Variants in MYCBP2 observed in about 807,000 individuals in gnomAD.
MYCBP2 encodes the protein E3 ubiquitin-protein ligase MYCBP2.
A neutral mutation model predicts 525.3 loss-of-function variants in MYCBP2; 120 were observed. That is an observed-to-expected ratio of 0.23 (90% CI 0.20 to 0.27). The LOEUF (loss-of-function observed/expected upper bound fraction) is 0.27. Among genes scored for constraint, MYCBP2 ranks in the 10% least tolerant of loss-of-function variants. MYCBP2 has a pLI of 1.00. For synonymous variants in MYCBP2, 1,894 were observed against 1,955.8 expected, an observed-to-expected ratio of 0.97 and a Z score of 0.83; for missense variants, 4,149 against 5,657.1, an observed-to-expected ratio of 0.73 and a Z score of 8.55.
intron 31 of MYCBP2, 92 bp from the exon 32 acceptor site, chr13:77,185,469 A>G: frequency 8.0e-7 from 1 of 1,250,478 alleles, no homozygotes; most frequent in Non-Finnish European, 1.1e-6. Flanking sequence ...CTATACAGCT[A>G]AGTATCACAA....
intron 79 of MYCBP2, 97 bp from the exon 80 acceptor site, chr13:77,055,864 A>T (rs1349734953): frequency 9.1e-6 from 7 of 767,762 alleles, no homozygotes; most frequent in Admixed American, 2.5e-5. Flanking sequence ...GTGCTAGAAG[A>T]TAACCAGACA....
At chr13:77,286,789 A>AATATAT (rs1197559343) in intron 3 of MYCBP2, among the ~76,000 whole-genome samples, 4,872 of 42,040 alleles carry the variant, frequency 0.12, 372 homozygotes, top group Non-Finnish European at 0.13. Context: ...AAAAAAAAAA[A>AATATAT]ATATATATAT....
At chr13:77,225,221 C>T (rs540502028) in intron 19 of MYCBP2, among the ~76,000 whole-genome samples, 41 of 152,286 alleles carry the variant, frequency 2.7e-4, no homozygotes, top group African/African-American at 9.6e-4. Flanking sequence ...GGAAGACAGA[C>T]TAGAAGTTAG....
At chr13:77,251,009 T>C (rs758298956) in intron 15 of MYCBP2, 142 bp downstream of exon 15, 9 of 560,192 alleles carry the variant, frequency 1.6e-5, no homozygotes, top group Admixed American at 6.7e-5. Flanking sequence ...ATTATAATAC[T>C]TTCTTGGCCT....
intron 59 of MYCBP2, chr13:77,092,396 T>C (rs1444952921): frequency 2.0e-5 from 3 of 152,136 alleles, no homozygotes; most frequent in South Asian, 4.1e-4. Flanking sequence ...ACTGTGAGAC[T>C]ACCTTTGCAT....
chr13:77,117,717 G>C (rs2050023748), intron 55 of MYCBP2, among the ~76,000 whole-genome samples: 1 of 152,126 alleles, frequency 6.6e-6, no homozygotes, highest in Non-Finnish European at 1.5e-5. Context: ...ACAGAGCTTT[G>C]AAAAGTTTAG....
intron 44 of MYCBP2, among the ~76,000 whole-genome samples, chr13:77,159,290 A>C (rs2057584797): frequency 6.6e-6 from 1 of 152,240 alleles, no homozygotes; most frequent in Non-Finnish European, 1.5e-5. Context: ...TAAAGTATAT[A>C]ATACATTGCC....
intron 59 of MYCBP2, among the ~76,000 whole-genome samples, chr13:77,091,269 T>C (rs764346208): frequency 9.2e-5 from 14 of 152,170 alleles, no homozygotes; most frequent in African/African-American, 1.7e-4. Flanking sequence ...GGTGTTAGTA[T>C]AGGTTGCTTG....
chr13:77,303,062 C>T (rs955835612), intron 1 of MYCBP2, among the ~76,000 whole-genome samples: 11 of 152,178 alleles, frequency 7.2e-5, no homozygotes, highest in South Asian at 2.1e-4. Flanking sequence ...CGGCCAGGCG[C>T]GGTGGCTCAT....
At chr13:77,179,201 T>A (rs1021980896) in intron 34 of MYCBP2, among the ~76,000 whole-genome samples, 5 of 152,094 alleles carry the variant, frequency 3.3e-5, no homozygotes, top group South Asian at 2.1e-4. Context: ...ATAAATTTTT[T>A]AAAAAAAGCA....
At chr13:77,059,737 A>G in intron 76 of MYCBP2, 111 bp from the exon 77 acceptor site, 1 of 672,420 alleles carries the variant, frequency 1.5e-6, no homozygotes, top group Non-Finnish European at 2.6e-6. Flanking sequence ...TATCCTTGGG[A>G]AATCAGCCTG....
At chr13:77,132,435 A>C (rs894513321) in intron 52 of MYCBP2, among the ~76,000 whole-genome samples, 2 of 152,142 alleles carry the variant, frequency 1.3e-5, no homozygotes, top group African/African-American at 4.8e-5. Flanking sequence ...CTTTCTCTTC[A>C]ACTCTACTTC....
intron 39 of MYCBP2, 103 bp downstream of exon 39, chr13:77,169,511 G>C: frequency 1.2e-6 from 1 of 849,694 alleles, no homozygotes; most frequent in Non-Finnish European, 1.9e-6. Context: ...CTATATCCCA[G>C]ATGCCTCAAA....
intron 34 of MYCBP2, among the ~76,000 whole-genome samples, chr13:77,178,175 T>C (rs1256569415): frequency 6.6e-6 from 1 of 152,250 alleles, no homozygotes; most frequent in African/African-American, 2.4e-5. Context: ...CCTTTAGCCA[T>C]ATGAAACTAT....
intron 45 of MYCBP2, among the ~76,000 whole-genome samples, chr13:77,156,897 C>G (rs1240354891): frequency 1.3e-5 from 2 of 152,134 alleles, no homozygotes; most frequent in Admixed American, 1.3e-4. Context: ...ACATTCCTCT[C>G]CAATCACTAT....
At chr13:77,088,289 C>G (rs1222993350) in intron 61 of MYCBP2, among the ~76,000 whole-genome samples, 1 of 152,032 alleles carries the variant, frequency 6.6e-6, no homozygotes, top group Non-Finnish European at 1.5e-5. Flanking sequence ...TGGATGAACA[C>G]AAAGTGTATC....
chr13:77,259,700 T>C (rs911728363), intron 13 of MYCBP2, among the ~76,000 whole-genome samples: 1 of 152,206 alleles, frequency 6.6e-6, no homozygotes, highest in African/African-American at 2.4e-5. Context: ...TTACATATAT[T>C]TCTAATCATA....
chr13:77,095,730 AT>A, intron 57 of MYCBP2, 128 bp from the exon 58 acceptor site: 1 of 1,177,222 alleles, frequency 8.5e-7, no homozygotes, highest in Non-Finnish European at 1.2e-6. Flanking sequence ...AGATAATAAG[AT>A]TATAAAAAAC....
intron 55 of MYCBP2, among the ~76,000 whole-genome samples, chr13:77,117,373 T>A (rs189529954): frequency 2.7e-4 from 41 of 152,122 alleles, no homozygotes; most frequent in African/African-American, 9.2e-4. Flanking sequence ...CCCAGAAAAG[T>A]TTATACTCTT....
Sources: gnomAD v4.1 joint callset for allele counts (sites outside exome capture counted in the v4.1 genomes callset) on GRCh38, gnomAD v4.1.1 for gene constraint, MANE v1.5 for transcripts, NCBI Gene and HGNC (gene_info 2026-07-23, HGNC 2026-07-21) for gene names.